SHTN1: variants seen among roughly 807,000 people sequenced by gnomAD.
SHTN1 encodes shootin 1.
Under a neutral mutation model 83.1 loss-of-function variants are expected in SHTN1, and 42 were observed. The observed-to-expected ratio is 0.51, with a 90% CI of 0.39 to 0.65. SHTN1 has a LOEUF of 0.65. Ranked by LOEUF, SHTN1 falls within the 30% of genes least tolerant of loss-of-function variation. SHTN1 has a pLI of 0.00. For missense variants in SHTN1, 622 were observed against 737.8 expected, an observed-to-expected ratio of 0.84 and a Z score of 1.82; for synonymous variants, 224 against 247.7, an observed-to-expected ratio of 0.90 and a Z score of 0.90.
At chr10:116,971,011 T>C (rs917510167) in intron 2 of SHTN1, among the ~76,000 whole-genome samples, 1 of 152,204 alleles carries the variant, frequency 6.6e-6, no homozygotes, top group Non-Finnish European at 1.5e-5. Flanking sequence ...GTATTTGTTA[T>C]ACTATTCTCT....
intron 1 of SHTN1, among the ~76,000 whole-genome samples, chr10:117,095,038 C>T (rs564034847): frequency 6.6e-6 from 1 of 152,210 alleles, no homozygotes; most frequent in Non-Finnish European, 1.5e-5. Flanking sequence ...AGCAAGAAGG[C>T]TCATTGTTTC....
At chr10:117,125,655 A>G (rs1460724165) in intron 1 of SHTN1, among the ~76,000 whole-genome samples, 2 of 151,912 alleles carry the variant, frequency 1.3e-5, no homozygotes, top group Admixed American at 6.6e-5. Context: ...CCTTCACATC[A>G]TTTCCTTTTC....
At chr10:117,123,071 C>T (rs1473093374) in intron 1 of SHTN1, among the ~76,000 whole-genome samples, 3 of 151,318 alleles carry the variant, frequency 2.0e-5, no homozygotes, top group Non-Finnish European at 3.0e-5. Context: ...GGTGTGATCT[C>T]GGCTCACTGC....
Position 117,078,834 on chromosome 10 carries a change from G to T in SHTN1, c.-188-30324C>A, listed in dbSNP as rs142895850. Among the ~76,000 whole-genome samples the T allele has an allele frequency of 2.4e-3, 372 of 152,058 alleles. 1 individual carries two copies. Among genetic ancestry groups the T allele is most frequent in the Non-Finnish European group, 4.1e-3 (279 of 67,988 alleles). On this transcript the variant is annotated intron_variant, in intron 1 of 17. Transcript: ENST00000392901. ...TTTATTCCTCCCTGTGTGACTTTTG[G>T]AAGGTCATGTCTTTCAAGGAATTGG... is the stretch of plus-strand genomic sequence containing the variant.
chr10:117,065,134 C>T (rs1044164614), intron 1 of SHTN1, among the ~76,000 whole-genome samples: 4 of 152,062 alleles, frequency 2.6e-5, no homozygotes. Flanking sequence ...GGGAAGGGAA[C>T]ATCACACACT....
chr10:116,901,017 T>C (rs1423596141), intron 16 of SHTN1: 9 of 985,308 alleles, frequency 9.1e-6, no homozygotes, highest in African/African-American at 1.7e-5. Flanking sequence ...TCTCTCTTGA[T>C]AGGACAGGAA....
intron 1 of SHTN1, among the ~76,000 whole-genome samples, chr10:117,106,746 T>A (rs1318535265): frequency 6.6e-6 from 1 of 152,118 alleles, no homozygotes; most frequent in Non-Finnish European, 1.5e-5. Context: ...TTCTTGGGGG[T>A]GATCATGTTT....
chr10:116,890,391 A>T (rs1847302724), intron 16 of SHTN1, among the ~76,000 whole-genome samples: 1 of 152,208 alleles, frequency 6.6e-6, no homozygotes. Flanking sequence ...CAGTTGTCAG[A>T]TGAAGTGTCC....
intron 1 of SHTN1, among the ~76,000 whole-genome samples, chr10:117,093,107 A>T (rs753921610): frequency 1.2e-4 from 18 of 152,200 alleles, no homozygotes; most frequent in Non-Finnish European, 1.9e-4. Context: ...TAGTATTACT[A>T]TCCTCAGTTC....
intron 9 of SHTN1, among the ~76,000 whole-genome samples, chr10:116,933,075 T>G (rs1428444885): frequency 6.6e-6 from 1 of 152,158 alleles, no homozygotes; most frequent in East Asian, 1.9e-4. Context: ...TCCCACCCTA[T>G]TCTCCAGTTC....
At chr10:116,986,843 C>T (rs547508287) in intron 1 of SHTN1, among the ~76,000 whole-genome samples, 2 of 151,106 alleles carry the variant, frequency 1.3e-5, no homozygotes, top group African/African-American at 4.9e-5. Flanking sequence ...ATTCTCCTGC[C>T]TCAGCCTCCT....
intron 9 of SHTN1, among the ~76,000 whole-genome samples, chr10:116,940,221 C>T (rs1445795295): frequency 2.0e-5 from 3 of 152,144 alleles, no homozygotes; most frequent in Admixed American, 6.6e-5. Context: ...TTGCTTCTTC[C>T]GACCCTTTGG....
At chr10:116,930,079 A>T in intron 9 of SHTN1, 77 bp from the exon 10 acceptor site, 4 of 986,776 alleles carry the variant, frequency 4.1e-6, no homozygotes, top group Non-Finnish European at 5.9e-6. Context: ...GGGAAAAAAT[A>T]AATATTTCCC....
intron 1 of SHTN1, among the ~76,000 whole-genome samples, chr10:117,083,293 G>T (rs1230533866): frequency 6.9e-6 from 1 of 145,784 alleles, no homozygotes; most frequent in Non-Finnish European, 1.5e-5. Context: ...CTTCACTTAT[G>T]AAGCTTAGTT....
In SHTN1 at chr10:116,930,014, T is replaced by G. The variant is rs558621611; in HGVS notation, c.859-12A>C. The G allele has an allele frequency of 2.3e-5, 35 of 1,513,464 alleles. No homozygotes were observed. In the South Asian group the frequency reaches 4.2e-4, roughly 18 times the overall value. The allele number at this position is 1,513,464 out of a possible 1,614,324, so 93.8% of individuals were successfully genotyped here. A position where few individuals can be genotyped will look rare whatever the true frequency, so the allele number is the denominator to read the frequency against. ...TCTAATTCTTTGACCTATAAGTTAT[T>G]TAAAAAAAAAAGACTTTTATGGCTG... On this transcript the variant is annotated splice_polypyrimidine_tract_variant and intron_variant, in intron 9 of 16. Transcript: ENST00000355371.
chr10:117,018,913 C>G (rs900186708), intron 2 of SHTN1, among the ~76,000 whole-genome samples: 21 of 151,812 alleles, frequency 1.4e-4, no homozygotes, highest in African/African-American at 5.1e-4. Flanking sequence ...GACATCCTAG[C>G]CAGTACAGTA....
chr10:116,962,658 T>C (rs1216526792), intron 3 of SHTN1, among the ~76,000 whole-genome samples: 1 of 152,202 alleles, frequency 6.6e-6, no homozygotes, highest in East Asian at 1.9e-4. Context: ...ACATTTATTT[T>C]CTGAACATTT....
chr10:117,105,836 A>G (rs1048752947), intron 1 of SHTN1, among the ~76,000 whole-genome samples: 1 of 152,084 alleles, frequency 6.6e-6, no homozygotes, highest in African/African-American at 2.4e-5. Flanking sequence ...CGGGCAACAT[A>G]GTGAAACCCT....
intron 1 of SHTN1, among the ~76,000 whole-genome samples, chr10:117,075,592 G>C (rs1853140396): frequency 6.6e-6 from 1 of 152,144 alleles, no homozygotes; most frequent in South Asian, 2.1e-4. Flanking sequence ...ATTATGGTAG[G>C]AACATTCTAG....
Sources: gnomAD v4.1 joint callset for allele counts (sites outside exome capture counted in the v4.1 genomes callset) on GRCh38, gnomAD v4.1.1 for gene constraint, MANE v1.5 for transcripts, NCBI Gene and HGNC (gene_info 2026-07-23, HGNC 2026-07-21) for gene names.